Variants in BBS9 observed in about 807,000 individuals in gnomAD.
BBS9 encodes Bardet-Biedl syndrome 9, also known as protein PTHB1.
A neutral mutation model predicts 117.7 loss-of-function variants in BBS9; 89 were observed. The ratio of observed to expected loss-of-function variants is 0.76; its 90% CI spans 0.64 to 0.90. The LOEUF is 0.90. BBS9 is among the 40% of genes least tolerant of loss of function. BBS9 has a pLI of 0.00. For synonymous variants in BBS9, 379 were observed against 370.9 expected (o/e 1.02, Z -0.25); for missense variants, 982 against 1,042.2 (o/e 0.94, Z 0.80).
At chr7:33,554,604 T>C (rs1854983719) in intron 21 of BBS9, among the ~76,000 whole-genome samples, 1 of 152,088 alleles carries the variant, frequency 6.6e-6, no homozygotes, top group Non-Finnish European at 1.5e-5. Context: ...TGTGTGTATG[T>C]GAGTTGGGGA....
At chr7:33,551,567 A>G (rs1173986852) in intron 21 of BBS9, among the ~76,000 whole-genome samples, 1 of 152,148 alleles carries the variant, frequency 6.6e-6, no homozygotes, top group Admixed American at 6.6e-5. Flanking sequence ...ACCAGCCAAG[A>G]CTGAGACCCC....
intron 5 of BBS9, among the ~76,000 whole-genome samples, chr7:33,193,140 A>G (rs1331690318): frequency 3.3e-5 from 5 of 152,044 alleles, no homozygotes; most frequent in Non-Finnish European, 7.4e-5. Context: ...TACCATAACC[A>G]TTTTTCACTT....
At chr7:33,341,681 T>C (rs1331571843) in intron 11 of BBS9, among the ~76,000 whole-genome samples, 1 of 152,134 alleles carries the variant, frequency 6.6e-6, no homozygotes, top group Non-Finnish European at 1.5e-5. Flanking sequence ...CAACCATCTA[T>C]GTCCATGAGT....
intron 5 of BBS9, among the ~76,000 whole-genome samples, chr7:33,215,791 G>A (rs1461432753): frequency 6.6e-6 from 1 of 152,234 alleles, no homozygotes; most frequent in African/African-American, 2.4e-5. Flanking sequence ...ACATGCGGGA[G>A]CTAAAAAAGT....
chr7:33,486,467 TAAG>T (rs1843127025), intron 19 of BBS9, among the ~76,000 whole-genome samples: 1 of 152,242 alleles, frequency 6.6e-6, no homozygotes, highest in South Asian at 2.1e-4. Flanking sequence ...TCAGTGCACT[TAAG>T]TAGTTGCTAA....
intron 20 of BBS9, among the ~76,000 whole-genome samples, chr7:33,508,412 G>A (rs1245257438): frequency 6.6e-6 from 1 of 152,142 alleles, no homozygotes; most frequent in East Asian, 1.9e-4. Context: ...GGTTCTCATG[G>A]AAAGCCTCTC....
intron 19 of BBS9, among the ~76,000 whole-genome samples, chr7:33,468,773 T>G (rs1419910): frequency 0.76 from 115,403 of 151,992 alleles, 44,399 homozygotes; most frequent in African/African-American, 0.88. Flanking sequence ...TGTCTTTCTG[T>G]GCCTGGCTTA....
At chr7:33,220,166 C>G (rs1789961124) in intron 5 of BBS9, among the ~76,000 whole-genome samples, 1 of 152,144 alleles carries the variant, frequency 6.6e-6, no homozygotes, top group African/African-American at 2.4e-5. Context: ...AGGCATTTTT[C>G]TTAGAGTCTT....
chr7:33,581,573 C>T (rs761870238), intron 21 of BBS9, among the ~76,000 whole-genome samples: 3 of 152,102 alleles, frequency 2.0e-5, no homozygotes, highest in South Asian at 2.1e-4. Flanking sequence ...TAGTAACAAA[C>T]GGAGCCCAGC....
chr7:33,482,443 G>A (rs147349284), intron 19 of BBS9, among the ~76,000 whole-genome samples: 109 of 152,202 alleles, frequency 7.2e-4, no homozygotes, highest in African/African-American at 2.4e-3. Context: ...TGTTTTTTAG[G>A]TTTAACTGGT....
At chr7:33,394,511 A>C (rs1252486016) in intron 19 of BBS9, among the ~76,000 whole-genome samples, 3 of 152,130 alleles carry the variant, frequency 2.0e-5, no homozygotes, top group Non-Finnish European at 1.5e-5. Flanking sequence ...ACACAAGTTT[A>C]CCTATGTAAC....
chr7:33,437,212 T>C (rs757097532), intron 19 of BBS9, among the ~76,000 whole-genome samples: 2 of 152,198 alleles, frequency 1.3e-5, no homozygotes, highest in African/African-American at 2.4e-5. Flanking sequence ...TTGAGGTAAA[T>C]TGAGTTAAGA....
In BBS9 at chr7:33,261,872, G is replaced by A. The variant is rs187413640; in HGVS notation, c.618-2418G>A. On this transcript the variant is annotated intron_variant, in intron 6 of 22. Transcript: ENST00000242067. ...GTATGGCACTCTTTCATAAGATCTT[G>A]TTACATTGGCCCTGATTATTCTTTC... 2.6e-5 allele frequency among the ~76,000 whole-genome samples: 4 copies of A among 152,268 alleles called. No homozygotes were observed. The East Asian group carries it at 5.8e-4, about 22-fold the overall frequency.
chr7:33,473,207 T>A (rs1028078817), intron 19 of BBS9, among the ~76,000 whole-genome samples: 2 of 152,218 alleles, frequency 1.3e-5, no homozygotes, highest in Non-Finnish European at 2.9e-5. Context: ...TTAGGAAGAA[T>A]AGTATTTTGA....
At chr7:33,268,629 G>C (rs1186074912) in intron 7 of BBS9, among the ~76,000 whole-genome samples, 1 of 152,160 alleles carries the variant, frequency 6.6e-6, no homozygotes, top group Non-Finnish European at 1.5e-5. Flanking sequence ...ATCTTGGCTG[G>C]AAGTGGAAGA....
At chr7:33,445,873 C>T (rs1836915639) in intron 19 of BBS9, among the ~76,000 whole-genome samples, 1 of 152,154 alleles carries the variant, frequency 6.6e-6, no homozygotes. Context: ...GGTTTTGCTT[C>T]CCTTTCACCT....
chr7:33,621,245 A>G (rs895372701), intron 21 of BBS9, among the ~76,000 whole-genome samples: 4 of 152,170 alleles, frequency 2.6e-5, no homozygotes, highest in African/African-American at 7.2e-5. Context: ...GGAGACAATC[A>G]AAAGAGTAAA....
rs78283245 is a variant in BBS9, at chr7:33,177,539, T to C, written c.390T>C (p.Asn130=). 6.4e-4 allele frequency: 1,038 copies of C among 1,613,554 alleles called. 1 individual carries two copies. In the African/African-American group the frequency reaches 0.012, roughly 19 times the overall value. Residue 130 remains asparagine, a synonymous_variant, in exon 5 of 23, where the codon AAT becomes AAC. Coordinates refer to ENST00000242067, the MANE Select transcript of BBS9 (RefSeq NM_198428.3). ...AGATGAAATTGATGTATGAACATAA[T>C]CTTCAGAGAACAGCCTGCAATATGA... ...QCQMKLMYEH[N]LQRTACNMTY...
At chr7:33,545,250 A>G (rs1206488441) in intron 21 of BBS9, among the ~76,000 whole-genome samples, 1 of 152,090 alleles carries the variant, frequency 6.6e-6, no homozygotes, top group Non-Finnish European at 1.5e-5. Flanking sequence ...AAATTGTTAC[A>G]AAGTTCAGCT....
Sources: gnomAD v4.1 joint callset for allele counts (sites outside exome capture counted in the v4.1 genomes callset) on GRCh38, gnomAD v4.1.1 for gene constraint, MANE v1.5 for transcripts, NCBI Gene and HGNC (gene_info 2026-07-23, HGNC 2026-07-21) for gene names.